Variants in ZKSCAN7 observed in about 807,000 individuals in gnomAD.
The protein encoded by ZKSCAN7 is zinc finger protein with KRAB and SCAN domains 7.
A neutral mutation model predicts 65.3 loss-of-function variants in ZKSCAN7; 38 were observed. The ratio of observed to expected loss-of-function variants is 0.58; its 90% CI spans 0.45 to 0.76. The LOEUF is 0.76. ZKSCAN7 is among the 30% of genes least tolerant of loss of function. The probability of loss-of-function intolerance (pLI) is 0.00; values close to 1 mark genes in which losing one functional copy is unlikely to be tolerated. For missense variants in ZKSCAN7, 815 were observed against 913.3 expected (o/e 0.89, Z 1.39); for synonymous variants, 321 against 321.0 (o/e 1.00, Z 0.00).
chr3:44,579,470 G>A (rs961975232), intron 5 of ZKSCAN7, among the ~76,000 whole-genome samples: 3 of 152,178 alleles, frequency 2.0e-5, no homozygotes, highest in African/African-American at 7.2e-5. Flanking sequence ...CTCAGGGTCC[G>A]GCTCCCCCGG....
chr3:44,582,514 C>T (rs745389139), intron 5 of ZKSCAN7, among the ~76,000 whole-genome samples: 7 of 152,060 alleles, frequency 4.6e-5, no homozygotes, highest in African/African-American at 9.7e-5. Context: ...ATTTCTTTGG[C>T]AGATAGATGT....
intron 5 of ZKSCAN7, among the ~76,000 whole-genome samples, chr3:44,581,892 T>G (rs973801019): frequency 2.6e-5 from 4 of 152,224 alleles, no homozygotes; most frequent in Non-Finnish European, 4.4e-5. Flanking sequence ...TACTGTCCCA[T>G]GTTGGGAGAC....
chr3:44,581,344 C>T (rs7427496), intron 5 of ZKSCAN7, among the ~76,000 whole-genome samples: 5,195 of 151,616 alleles, frequency 0.034, 211 homozygotes, highest in African/African-American at 0.097. Context: ...TCGTCCGCGC[C>T]GCCACAGCTG....
chr3:44,575,960 GT>G (rs988710047), downstream of ZKSCAN7, among the ~76,000 whole-genome samples: 1 of 151,984 alleles, frequency 6.6e-6, no homozygotes, highest in Non-Finnish European at 1.5e-5. Context: ...GAATTTGGAA[GT>G]TTTTTTTCTT....
rs560055147 is a variant in ZKSCAN7, at chr3:44,580,978, A to G, written c.812-1994A>G. Reference sequence around the variant, plus strand: ...CAGTTCTGACACTTGCTCTTGTTGAAGATGTTGGCCTGGAATTTCCTGCAC... The same window carrying G: ...CAGTTCTGACACTTGCTCTTGTTGAGGATGTTGGCCTGGAATTTCCTGCAC... On this transcript the variant is annotated intron_variant, in intron 5 of 5. Transcript: ENST00000341840. The G allele has an allele frequency of 9.8e-4, 1,578 of 1,611,742 alleles. 56 individuals are homozygous for G. The East Asian group carries it at 0.035, about 36-fold the overall frequency.
In ZKSCAN7 at chr3:44,570,135, C is replaced by T. The variant is rs34396823; in HGVS notation, c.1025C>T (p.Thr342Ile). 27 of 1,613,858 alleles carry T rather than the reference C, an allele frequency of 1.7e-5. No homozygotes were observed. Among genetic ancestry groups the T allele is most frequent in the African/African-American group, 4.0e-5 (3 of 74,832 alleles). Residue 342 changes from threonine to isoleucine, a missense_variant, in exon 6 of 6, where the codon ACA becomes ATA. This residue lies in a region of ZKSCAN7 where 578 missense variants were observed against 629.5 expected (regional missense o/e 0.92). Coordinates refer to ENST00000426540, the MANE Select transcript of ZKSCAN7 (RefSeq NM_001288590.2). The stretch of plus-strand genomic sequence containing the variant: ...CTAGAAAATGATTTCTTGGAAATAA[C>T]AGATGAAGATAAGAAAAAATCCACA... Reference protein sequence around the residue: ...SRLENDFLEITDEDKKKSTKD... With the variant: ...SRLENDFLEIIDEDKKKSTKD...
At chr3:44,566,470 A>G (rs1699634546) in intron 3 of ZKSCAN7, among the ~76,000 whole-genome samples, 1 of 152,214 alleles carries the variant, frequency 6.6e-6, no homozygotes, top group African/African-American at 2.4e-5. Flanking sequence ...AGGAACGGGC[A>G]AGGATAAAAT....
At chr3:44,558,578 G>A (rs567092797) in intron 2 of ZKSCAN7, among the ~76,000 whole-genome samples, 129 of 151,692 alleles carry the variant, frequency 8.5e-4, no homozygotes, top group Non-Finnish European at 1.1e-3. Context: ...AGTGGCTTAC[G>A]TAATTGTGAG....
chr3:44,566,020 T>G (rs1313702537), intron 3 of ZKSCAN7, among the ~76,000 whole-genome samples: 1 of 152,200 alleles, frequency 6.6e-6, no homozygotes, highest in Non-Finnish European at 1.5e-5. Context: ...TTTGATCCTG[T>G]CACAAATGAG....
chr3:44,580,242 C>T (rs1700037944), intron 5 of ZKSCAN7: 3 of 1,613,196 alleles, frequency 1.9e-6, no homozygotes, highest in Non-Finnish European at 2.5e-6. Flanking sequence ...GAAGTAGCTG[C>T]TCTCCCCCCG....
rs750809801 is a variant in ZKSCAN7 at position 44,570,009 on chromosome 3, G to A, written c.899G>A (p.Gly300Glu). 2.5e-6 allele frequency: 4 copies of A among 1,612,230 alleles called. No homozygotes were observed. Among genetic ancestry groups the A allele is most frequent in the East Asian group, 2.2e-5 (1 of 44,870 alleles). The change falls in exon 6 of 6, where the codon GGA becomes GAA. Residue 300 changes from glycine (G) to glutamate (E), a missense_variant. Around this residue, in one of 3 missense-constraint regions of ZKSCAN7, gnomAD observed 578 missense variants for 629.5 expected, o/e 0.92. Coordinates refer to ENST00000426540, the MANE Select transcript of ZKSCAN7 (RefSeq NM_001288590.2). ...GAGTCATCTAACAGGACATCAGGGGGACTCTTTGGGGTGGTTCCTGGGGCA... is the reference window on the plus strand; with the variant it reads ...GAGTCATCTAACAGGACATCAGGGGAACTCTTTGGGGTGGTTCCTGGGGCA... ...GSESSNRTSG[G>E]LFGVVPGAAE...
At chr3:44,577,918 C>T (rs1699956761) in intron 5 of ZKSCAN7, among the ~76,000 whole-genome samples, 1 of 152,180 alleles carries the variant, frequency 6.6e-6, no homozygotes, top group South Asian at 2.1e-4. Context: ...ATGGGACACA[C>T]CTAGTCTTTC....
chr3:44,578,275 A>G lies in ZKSCAN7; in HGVS notation c.812-4697A>G, dbSNP rs1186120800. The G allele has an allele frequency of 5.1e-6, 8 of 1,573,418 alleles. No individual in the cohort carries two copies. The East Asian group carries it at 1.8e-4, about 35-fold the overall frequency. ...TCTGCAGCTCATCCTTGAGGGAGCT[A>G]ATCTCCTGTTTCAGGTACTGTATTT... On this transcript the variant is annotated intron_variant, in intron 5 of 5. Transcript: ENST00000341840.
intron 5 of ZKSCAN7, among the ~76,000 whole-genome samples, chr3:44,582,073 G>C (rs983615125): frequency 1.3e-5 from 2 of 152,228 alleles, no homozygotes; most frequent in African/African-American, 4.8e-5. Context: ...GTCATGCTCT[G>C]CCCTGATGGG....
At position 44,566,457 on chromosome 3, in the gene ZKSCAN7, G is replaced by C. The variant is rs552565097; in HGVS notation, c.592+802G>C. 3.9e-5 allele frequency among the ~76,000 whole-genome samples: 6 copies of C among 152,294 alleles called. 1 individual carries two copies. The highest frequency in any genetic ancestry group is 1.4e-4 in the African/African-American group (6 of 41,564). On this transcript the variant is annotated intron_variant, in intron 3 of 5. Transcript: ENST00000426540. ...ATGTGATTAATGCCTGAAGTGCAAA[G>C]AGAGGAACGGGCAAGGATAAAATTG...
At chr3:44,568,610 C>T (rs927594285) in intron 5 of ZKSCAN7, 177 bp downstream of exon 5, 2 of 901,352 alleles carry the variant, frequency 2.2e-6, no homozygotes, top group African/African-American at 1.7e-5. Flanking sequence ...TCAGCATACT[C>T]TTCACCTCAT....
chr3:44,581,150 TC>T, intron 5 of ZKSCAN7: 1 of 932,050 alleles, frequency 1.1e-6, no homozygotes. Context: ...CCGGCCTCCT[TC>T]CCTGCGGGCG....
chr3:44,570,528 C>T lies in ZKSCAN7; in HGVS notation c.1418C>T (p.Ala473Val). Residue 473 changes from alanine (A) to valine (V), a missense_variant, in exon 6 of 6, where the codon GCA becomes GTA. This residue lies in a region of ZKSCAN7 where 578 missense variants were observed against 629.5 expected (regional missense o/e 0.92). Transcript: ENST00000426540. ...AAACCCTATAAATGTAATGAATGTG[C>T]AAAAGCCTTTACTCAGAGTTCCCGA... is the stretch of plus-strand genomic sequence containing the variant. ...GEKPYKCNEC[A>V]KAFTQSSRLT... 1 of 1,612,452 alleles carries T rather than the reference C, an allele frequency of 6.2e-7. No individual in the cohort carries two copies.
intron 2 of ZKSCAN7, among the ~76,000 whole-genome samples, chr3:44,562,699 A>G (rs1246542429): frequency 3.3e-5 from 5 of 152,208 alleles, no homozygotes; most frequent in Non-Finnish European, 7.3e-5. Context: ...CTTCTGCTAG[A>G]GGGCTGGGCG....
Sources: allele counts gnomAD v4.1 joint callset (sites outside exome capture counted in the v4.1 genomes callset), GRCh38; gene constraint gnomAD v4.1.1; regional missense constraint gnomAD v4.1.1; transcripts MANE v1.5; gene names NCBI Gene and HGNC (gene_info 2026-07-23, HGNC 2026-07-21).